CT55: variants seen among roughly 807,000 people sequenced by gnomAD.
CT55 encodes the protein BRCA2-interacting protein.
Under a neutral mutation model 12.6 loss-of-function variants are expected in CT55, and 1 was observed. The ratio of observed to expected loss-of-function variants is 0.08; its 90% CI spans 0.03 to 0.38. CT55 has a LOEUF of 0.38. Ranked by LOEUF, CT55 falls within the 10% of genes least tolerant of loss-of-function variation. The probability of loss-of-function intolerance (pLI) is 0.99; values close to 1 mark genes in which losing one functional copy is unlikely to be tolerated. For missense variants in CT55, 109 were observed against 135.4 expected (o/e 0.80, Z 0.97); for synonymous variants, 43 against 49.7 (o/e 0.87, Z 0.57).
chrX:135,162,037 G>A (rs1454291967), intron 2 of CT55, among the ~76,000 whole-genome samples: 1 of 112,520 alleles, frequency 8.9e-6, no homozygotes, highest in African/African-American at 3.2e-5. Flanking sequence ...TTGCAAAGAC[G>A]ACCAACACAA....
At chrX:135,164,367 G>T (rs1335911565) in intron 2 of CT55, among the ~76,000 whole-genome samples, 16 of 111,677 alleles carry the variant, frequency 1.4e-4, no homozygotes, top group Non-Finnish European at 2.6e-4. Context: ...ATAATCTGCC[G>T]TGATTATGTT....
intron 2 of CT55, among the ~76,000 whole-genome samples, chrX:135,168,361 G>A (rs782131195): frequency 7.1e-5 from 8 of 111,949 alleles, no homozygotes; most frequent in African/African-American, 9.7e-5. Context: ...AATACTGCAC[G>A]GTCACATTCA....
At chrX:135,160,991 G>A (rs1189274943) in intron 2 of CT55, among the ~76,000 whole-genome samples, 1 of 110,653 alleles carries the variant, frequency 9.0e-6, no homozygotes. Flanking sequence ...TTGTTTAGGG[G>A]AAGTCAGATT....
intron 2 of CT55, among the ~76,000 whole-genome samples, chrX:135,162,746 A>G (rs1408598312): frequency 1.8e-5 from 2 of 111,621 alleles, no homozygotes; most frequent in Non-Finnish European, 3.8e-5. Flanking sequence ...CTCAGATGGT[A>G]CTTGTGGACA....
At chrX:135,170,402 T>G (rs2083605936) in intron 1 of CT55, among the ~76,000 whole-genome samples, 1 of 112,183 alleles carries the variant, frequency 8.9e-6, no homozygotes, top group Admixed American at 9.4e-5. Context: ...TTTCTACATA[T>G]GAGTCTTTAA....
At chrX:135,163,212 A>G (rs1172158462) in intron 2 of CT55, among the ~76,000 whole-genome samples, 1 of 112,436 alleles carries the variant, frequency 8.9e-6, no homozygotes, top group Non-Finnish European at 1.9e-5. Context: ...AACTGACAAA[A>G]CAAGGTGCCA....
chrX:135,167,159 G>C (rs1196477800), intron 2 of CT55, among the ~76,000 whole-genome samples: 3 of 111,797 alleles, frequency 2.7e-5, no homozygotes, highest in Non-Finnish European at 5.7e-5. Flanking sequence ...GGAATACAAG[G>C]AACAAAGCTG....
At chrX:135,158,483 T>C (rs1232726013) in intron 3 of CT55, among the ~76,000 whole-genome samples, 172 bp from the exon 4 acceptor site, 1 of 112,804 alleles carries the variant, frequency 8.9e-6, no homozygotes, top group Non-Finnish European at 1.9e-5. Flanking sequence ...AAGAAGTTTA[T>C]AATCCTTAGG....
At chrX:135,158,436 C>T (rs1310573758) in intron 3 of CT55, 125 bp from the exon 4 acceptor site, 4 of 425,946 alleles carry the variant, frequency 9.4e-6, no homozygotes, top group Middle Eastern at 6.3e-4. Flanking sequence ...CCATTTTGTG[C>T]ATATTTAAAC....
rs1467897021 is a variant in CT55 at position 135,163,220 on chromosome X, C to T, written c.280-2665G>A. 2.7e-5 allele frequency among the ~76,000 whole-genome samples: 3 copies of T among 112,047 alleles called. No homozygotes were observed. In the Admixed American group the frequency reaches 2.8e-4, roughly 11 times the overall value. ...ATCACCAAACTGACAAAACAAGGTG[C>T]CAGCAATTGACCCTAGAGAGACAGG... is the stretch of plus-strand genomic sequence containing the variant. On this transcript the variant is annotated intron_variant, in intron 2 of 5. Coordinates refer to ENST00000276241, the MANE Select transcript of CT55 (RefSeq NM_001031705.3).
chrX:135,171,071 GGA>G lies in CT55; in HGVS notation c.94+5_94+6del. 8.3e-7 allele frequency: 1 copy of G among 1,211,184 alleles called. No individual in the cohort carries two copies. The highest frequency in any genetic ancestry group is 1.1e-6 in the Non-Finnish European group (1 of 895,106). On this transcript the variant is annotated splice_donor_5th_base_variant and intron_variant, in intron 1 of 5. Transcript: ENST00000276241. The stretch of plus-strand genomic sequence containing the variant: ...GGTGGGGGACAAGGGGACACACAGA[GGA>G]ATACCTTGTGGGAGGCCCTGCTGCT...
At chrX:135,160,624 A>T (rs1409008910) in intron 2 of CT55, 69 bp from the exon 3 acceptor site, 1 of 1,086,391 alleles carries the variant, frequency 9.2e-7, no homozygotes, top group African/African-American at 1.9e-5. Flanking sequence ...ACATGATTAA[A>T]AGACTTGTAT....
rs1556406734 is a variant in CT55, at chrX:135,171,061, G to T, written c.94+17C>A. 2.5e-6 allele frequency: 3 copies of T among 1,209,820 alleles called. No homozygotes were observed. The highest frequency in any genetic ancestry group is 3.5e-5 in the South Asian group (2 of 56,612). ...AGGCTTCTGGGGTGGGGGACAAGGG[G>T]ACACACAGAGGAATACCTTGTGGGA... is the stretch of plus-strand genomic sequence containing the variant. On this transcript the variant is annotated intron_variant, in intron 1 of 5. Coordinates refer to ENST00000276241, the MANE Select transcript of CT55 (RefSeq NM_001031705.3).
rs1458936359 is a variant in CT55, at chrX:135,171,382, C to T, written c.-211G>A. 32 of 678,491 alleles carry T rather than the reference C, an allele frequency of 4.7e-5. No individual in the cohort carries two copies. Among genetic ancestry groups the T allele is most frequent in the Admixed American group, 1.8e-4 (4 of 22,852 alleles). 55.9% of individuals were successfully genotyped at this position (678,491 alleles called of 1,213,427 possible). A position where few individuals can be genotyped will look rare whatever the true frequency, so the allele number is the denominator to read the frequency against. Reference sequence around the variant, plus strand: ...CCTCCAAAGGAGCTCCCAGCTTCTCCGCTGACTTCTCCCTCTGAGCATGCG... The same window carrying T: ...CCTCCAAAGGAGCTCCCAGCTTCTCTGCTGACTTCTCCCTCTGAGCATGCG... On this transcript the variant is annotated 5_prime_UTR_variant, in exon 1 of 6. Transcript: ENST00000276241.
chrX:135,161,866 G>C (rs1311641914), intron 2 of CT55, among the ~76,000 whole-genome samples: 1 of 112,335 alleles, frequency 8.9e-6, no homozygotes, highest in Non-Finnish European at 1.9e-5. Flanking sequence ...TGAGGCATTA[G>C]CCTCCCATCC....
Position 135,158,458 on chromosome X carries a change from A to G in CT55, c.425-147T>C, listed in dbSNP as rs189904528. 3.4e-3 allele frequency: 1,366 copies of G among 406,155 alleles called. 5 individuals are homozygous for G. Among genetic ancestry groups the G allele is most frequent in the Non-Finnish European group, 5.2e-3 (1,209 of 234,207 alleles). The allele number at this position is 406,155 out of a possible 1,213,427, so 33.5% of individuals were successfully genotyped here. Reference sequence around the variant, plus strand: ...GTGCATATTTAAACAGACACTACAAATCTCTAAGTCCAAAAAGAAGTTTAT... The same window carrying G: ...GTGCATATTTAAACAGACACTACAAGTCTCTAAGTCCAAAAAGAAGTTTAT... On this transcript the variant is annotated intron_variant, in intron 3 of 5. Coordinates refer to ENST00000276241, the MANE Select transcript of CT55 (RefSeq NM_001031705.3).
chrX:135,163,787 A>G (rs1460485571), intron 2 of CT55, among the ~76,000 whole-genome samples: 13 of 111,945 alleles, frequency 1.2e-4, no homozygotes, highest in Admixed American at 1.1e-3. Flanking sequence ...TGAAAAATAA[A>G]GAAAGAATCC....
At chrX:135,158,025 C>T (rs781997717) in intron 4 of CT55, among the ~76,000 whole-genome samples, 174 bp downstream of exon 4, 2 of 101,695 alleles carry the variant, frequency 2.0e-5, no homozygotes, top group Admixed American at 1.1e-4. Context: ...TAATTATTTC[C>T]TTTGGAAAAT....
At chrX:135,164,865 A>G (rs201162341) in intron 2 of CT55, among the ~76,000 whole-genome samples, 2 of 112,502 alleles carry the variant, frequency 1.8e-5, no homozygotes, top group East Asian at 2.8e-4. Flanking sequence ...GAAGGGGTCA[A>G]TTCATCAAGA....
Sources: gnomAD v4.1 joint callset for allele counts (sites outside exome capture counted in the v4.1 genomes callset) on GRCh38, gnomAD v4.1.1 for gene constraint, MANE v1.5 for transcripts, NCBI Gene and HGNC (gene_info 2026-07-23, HGNC 2026-07-21) for gene names.